ROPN1L: variants seen among roughly 807,000 people sequenced by gnomAD.
The protein encoded by ROPN1L is rhophilin associated tail protein 1 like.
In ROPN1L, 23 loss-of-function variants were observed where a neutral mutation model predicts 22.7. The ratio of observed to expected loss-of-function variants is 1.01; its 90% confidence interval spans 0.73 to 1.43. The LOEUF (loss-of-function observed/expected upper bound fraction) is 1.43, where lower values mean the gene tolerates loss of function less well. ROPN1L is among the 40% of genes most tolerant of loss of function. The pLI, the probability that ROPN1L is intolerant of heterozygous loss-of-function variation, is 0.00. For missense variants in ROPN1L, 271 were observed against 291.5 expected, an observed-to-expected ratio of 0.93 and a Z score of 0.51; for synonymous variants, 116 against 117.8, an observed-to-expected ratio of 0.98 and a Z score of 0.10.
Position 10,454,854 on chromosome 5 carries a change from T to C in ROPN1L, c.417+4741T>C, listed in dbSNP as rs550414740. On this transcript the variant is annotated intron_variant, in intron 3 of 4. Coordinates refer to ENST00000274134, the MANE Select transcript of ROPN1L (RefSeq NM_031916.5). ...AGGCACCATCAGGATTGCAGGCTGG[T>C]GCCCCAAGGCAGAGAGAAGCTGAGT... is the stretch of plus-strand genomic sequence containing the variant. Among the ~76,000 whole-genome samples the C allele has an allele frequency of 1.1e-4, 17 of 152,276 alleles. No homozygotes were observed. The South Asian group carries it at 1.4e-3, about 13-fold the overall frequency.
At chr5:10,457,025 G>C (rs1741442567) in intron 3 of ROPN1L, among the ~76,000 whole-genome samples, 1 of 152,210 alleles carries the variant, frequency 6.6e-6, no homozygotes, top group South Asian at 2.1e-4. Flanking sequence ...ATGTCTTTGA[G>C]AGTTTCAAGC....
At chr5:10,464,064 G>A (rs892213005) in intron 4 of ROPN1L, among the ~76,000 whole-genome samples, 3 of 152,146 alleles carry the variant, frequency 2.0e-5, no homozygotes, top group Non-Finnish European at 2.9e-5. Context: ...TGGAGCCTGC[G>A]TTCTGTGCCC....
At chr5:10,468,179 C>T (rs555557595), downstream of ROPN1L, among the ~76,000 whole-genome samples, 68 of 152,346 alleles carry the variant, frequency 4.5e-4, no homozygotes, top group African/African-American at 1.6e-3. Flanking sequence ...CATTGGGGCT[C>T]CAAGTGCCCA....
At chr5:10,465,518 AAAAAAC>A (rs1735138666), downstream of ROPN1L, among the ~76,000 whole-genome samples, 1 of 151,192 alleles carries the variant, frequency 6.6e-6, no homozygotes, top group Admixed American at 6.6e-5. Flanking sequence ...CCGTCTCAAA[AAAAAAC>A]AAAAACAAAA....
chr5:10,468,306 C>G (rs1735188187), downstream of ROPN1L, among the ~76,000 whole-genome samples: 1 of 152,224 alleles, frequency 6.6e-6, no homozygotes, highest in Non-Finnish European at 1.5e-5. Context: ...GCTCTAACAC[C>G]TGATTAATGT....
At chr5:10,467,961 T>A (rs1256050287), downstream of ROPN1L, among the ~76,000 whole-genome samples, 1 of 152,202 alleles carries the variant, frequency 6.6e-6, no homozygotes, top group Non-Finnish European at 1.5e-5. Flanking sequence ...GGCACCCAGG[T>A]CCCGTCCCCT....
At chr5:10,454,784 C>T (rs754864201) in intron 3 of ROPN1L, among the ~76,000 whole-genome samples, 1 of 152,178 alleles carries the variant, frequency 6.6e-6, no homozygotes, top group Non-Finnish European at 1.5e-5. Context: ...TGCACAGAGC[C>T]CTGCGTGTGT....
At position 10,455,297 on chromosome 5, in the gene ROPN1L, C is replaced by G. The variant is rs570403984; in HGVS notation, c.417+5184C>G. Among the ~76,000 whole-genome samples the G allele has an allele frequency of 4.6e-5, 7 of 152,332 alleles. No individual in the cohort carries two copies. The East Asian group carries it at 1.4e-3, about 29-fold the overall frequency. ...GGTTTCCGCAGCTAGGGCTCGAAAG[C>G]CCATTCGGAAGTGACCAAGAAAGGC... is the stretch of plus-strand genomic sequence containing the variant. On this transcript the variant is annotated intron_variant, in intron 3 of 4. Coordinates refer to ENST00000274134, the MANE Select transcript of ROPN1L (RefSeq NM_031916.5).
chr5:10,481,305 A>G, the ROPN1L span, among the ~76,000 whole-genome samples: 2 of 152,258 alleles, frequency 1.3e-5, no homozygotes, highest in East Asian at 1.9e-4. Context: ...AGGAGGGGCC[A>G]CGCTGAGCTA....
At chr5:10,463,767 T>C (rs1735096200) in intron 4 of ROPN1L, among the ~76,000 whole-genome samples, 1 of 152,068 alleles carries the variant, frequency 6.6e-6, no homozygotes, top group East Asian at 1.9e-4. Flanking sequence ...CAGACAGACA[T>C]CAGACAAGCA....
the ROPN1L span, among the ~76,000 whole-genome samples, chr5:10,477,167 T>C: frequency 6.6e-6 from 1 of 152,266 alleles, no homozygotes; most frequent in Non-Finnish European, 1.5e-5. Context: ...TTGAACTTTT[T>C]CAACTACTTA....
chr5:10,448,466 G>T (rs1175768343), intron 2 of ROPN1L, 83 bp downstream of exon 2: 2 of 1,518,122 alleles, frequency 1.3e-6, no homozygotes, highest in East Asian at 4.6e-5. Flanking sequence ...ACAGAGCGGG[G>T]CACACCCCAG....
At chr5:10,460,314 T>G (rs774007122) in intron 3 of ROPN1L, among the ~76,000 whole-genome samples, 23 of 152,220 alleles carry the variant, frequency 1.5e-4, no homozygotes, top group Non-Finnish European at 2.9e-4. Flanking sequence ...ATTGAGCAAG[T>G]TGGAGGTGGG....
the ROPN1L span, among the ~76,000 whole-genome samples, chr5:10,481,487 C>T: frequency 4.3e-4 from 66 of 152,156 alleles, no homozygotes; most frequent in African/African-American, 1.5e-3. Context: ...GGGCTTGCAA[C>T]TGGTTGGTTT....
At chr5:10,451,159 C>T (rs1329934439) in intron 3 of ROPN1L, among the ~76,000 whole-genome samples, 1 of 152,236 alleles carries the variant, frequency 6.6e-6, no homozygotes, top group Non-Finnish European at 1.5e-5. Flanking sequence ...AGTCTGTGGC[C>T]CCAGTGTGTA....
chr5:10,445,443 C>T (rs1741026332), intron 1 of ROPN1L, among the ~76,000 whole-genome samples: 1 of 152,144 alleles, frequency 6.6e-6, no homozygotes, highest in East Asian at 1.9e-4. Context: ...TGAAGGGTCA[C>T]GAAAGTTAAG....
the ROPN1L span, among the ~76,000 whole-genome samples, chr5:10,481,473 G>C: frequency 6.6e-6 from 1 of 152,200 alleles, no homozygotes. Flanking sequence ...GGTGTCTGGG[G>C]CATGGGCTTG....
chr5:10,465,715 G>A (rs536922452), downstream of ROPN1L, among the ~76,000 whole-genome samples: 1 of 151,680 alleles, frequency 6.6e-6, no homozygotes, highest in Non-Finnish European at 1.5e-5. Flanking sequence ...AGCCAGGCGT[G>A]GCGGTGGGCA....
intron 2 of ROPN1L, 23 bp downstream of exon 2, chr5:10,448,406 G>A: frequency 1.2e-6 from 2 of 1,613,518 alleles, no homozygotes; most frequent in South Asian, 1.1e-5. Context: ...GTAGTCTCTG[G>A]CCTCAGGCAG....
Sources: allele counts gnomAD v4.1 joint callset (sites outside exome capture counted in the v4.1 genomes callset), GRCh38; gene constraint gnomAD v4.1.1; transcripts MANE v1.5; gene names NCBI Gene and HGNC (gene_info 2026-07-23, HGNC 2026-07-21).